Variants in ZC3H12C observed in about 807,000 individuals in gnomAD.
ZC3H12C encodes probable ribonuclease ZC3H12C.
ZC3H12C carries 20 observed loss-of-function variants against 76.3 expected under a neutral mutation model. The ratio of observed to expected loss-of-function variants is 0.26; its 90% CI spans 0.18 to 0.38. ZC3H12C has a LOEUF of 0.38. Among genes scored for constraint, ZC3H12C ranks in the 10% least tolerant of loss-of-function variants. ZC3H12C has a pLI of 1.00. For missense variants in ZC3H12C, 874 were observed against 1,086.5 expected (o/e 0.80, Z 2.75); for synonymous variants, 352 against 399.6 (o/e 0.88, Z 1.42).
At chr11:110,133,010 A>T (rs1861893668) in intron 1 of ZC3H12C, among the ~76,000 whole-genome samples, 1 of 152,170 alleles carries the variant, frequency 6.6e-6, no homozygotes. Flanking sequence ...TAAGTTTCTC[A>T]TAGTAATTTC....
At position 110,163,261 on chromosome 11, in the gene ZC3H12C, T is replaced by A. The variant is rs1279841555; in HGVS notation, c.1149-12T>A. The A allele has an allele frequency of 1.3e-6, 2 of 1,595,116 alleles. No homozygotes were observed. Among genetic ancestry groups the A allele is most frequent in the Admixed American group, 3.5e-5 (2 of 56,706 alleles). ...CTACTTAGGTATCATTTTTTTATTA[T>A]CTCCATGACAGGTTCATGCCCCCTG... On this transcript the variant is annotated splice_polypyrimidine_tract_variant and intron_variant, in intron 4 of 5. Coordinates refer to ENST00000278590, the MANE Select transcript of ZC3H12C (RefSeq NM_033390.2).
At chr11:110,120,284 A>G (rs1253959242) in intron 1 of ZC3H12C, among the ~76,000 whole-genome samples, 2 of 152,134 alleles carry the variant, frequency 1.3e-5, no homozygotes, top group African/African-American at 4.8e-5. Context: ...TTTAATATAT[A>G]TTGTTGATTC....
Position 110,140,582 on chromosome 11 carries a change from T to A in ZC3H12C, c.773+3168T>A, listed in dbSNP as rs531666364. On this transcript the variant is annotated intron_variant, in intron 2 of 5. Transcript: ENST00000278590. ...AGAATGGAAGCTGGCCACACCAGTC[T>A]TGTGTTTTTGATATGAACAGACTGT... Among the ~76,000 whole-genome samples, 300 of 152,302 alleles carry A rather than the reference T, an allele frequency of 2.0e-3. 2 individuals carry two copies. The highest frequency in any genetic ancestry group is 5.2e-3 in the African/African-American group (217 of 41,576).
intron 1 of ZC3H12C, among the ~76,000 whole-genome samples, chr11:110,108,698 G>T (rs948809842): frequency 6.6e-6 from 1 of 152,034 alleles, no homozygotes; most frequent in Non-Finnish European, 1.5e-5. Context: ...TTATATCTCC[G>T]ATCCTGACTT....
At position 110,168,086 on chromosome 11, in the gene ZC3H12C, A is replaced by G. The variant is rs946597858; in HGVS notation, c.*2349A>G. Reference sequence around the variant, plus strand: ...TATTTGAACATTCGCCAAATTTTACATTTATTTAAATGAGATCTTAGGTGA... The same window carrying G: ...TATTTGAACATTCGCCAAATTTTACGTTTATTTAAATGAGATCTTAGGTGA... On this transcript the variant is annotated 3_prime_UTR_variant, in exon 6 of 6. Transcript: ENST00000278590. The G allele has an allele frequency of 1.3e-5, 2 of 152,076 alleles. No homozygotes were observed. The highest frequency in any genetic ancestry group is 4.8e-5 in the African/African-American group (2 of 41,412). 9.4% of individuals were successfully genotyped at this position (152,076 alleles called of 1,614,324 possible).
Position 110,164,512 on chromosome 11 carries a change from C to T in ZC3H12C, c.1427C>T (p.Ala476Val). The change falls in exon 6 of 6, where the codon GCT becomes GTT. Residue 476 changes from alanine to valine, a missense_variant. By Grantham distance (64) the Ala-to-Val change is moderately conservative. Around this residue, in one of 3 missense-constraint regions of ZC3H12C, gnomAD observed 269 missense variants for 424.9 expected, o/e 0.63. Coordinates refer to ENST00000278590, the MANE Select transcript of ZC3H12C (RefSeq NM_033390.2). This position sits in a 1 kb window ranked among gnomAD's most constrained non-coding sequence, Gnocchi z 5.7. ...KSNSVPCSTKADSTSDVKRGA... is the reference protein window; with the variant it reads ...KSNSVPCSTKVDSTSDVKRGA... ...AACAGTGTTCCTTGTAGCACCAAGGCTGATAGCACTTCTGATGTCAAACGA... is the reference window on the plus strand; with the variant it reads ...AACAGTGTTCCTTGTAGCACCAAGGTTGATAGCACTTCTGATGTCAAACGA... The T allele has an allele frequency of 6.2e-7, 1 of 1,613,958 alleles. No individual in the cohort carries two copies. Among genetic ancestry groups the T allele is most frequent in the Non-Finnish European group, 8.5e-7 (1 of 1,179,892 alleles).
Position 110,152,936 on chromosome 11 carries a change from T to C in ZC3H12C, c.791T>C (p.Val264Ala). ...TCTTTCAGCCATGGAAACAAAGAAG[T>C]ATTTTCCTGCAGAGGAATAAAATTG... ...NVAMSHGNKE[V>A]FSCRGIKLAV... The change falls in exon 3 of 6, where the codon GTA becomes GCA. Residue 264 changes from valine (V) to alanine (A), a missense_variant. By Grantham distance (64) the Val-to-Ala change is moderately conservative. Transcript: ENST00000278590. The C allele has an allele frequency of 6.2e-7, 1 of 1,612,440 alleles. No individual in the cohort carries two copies. Among genetic ancestry groups the C allele is most frequent in the South Asian group, 1.1e-5 (1 of 90,566 alleles).
chr11:110,094,328 T>A (rs556387704), intron 1 of ZC3H12C, among the ~76,000 whole-genome samples: 6 of 152,366 alleles, frequency 3.9e-5, no homozygotes, highest in Admixed American at 3.9e-4. Flanking sequence ...AGGCGCTTAT[T>A]GATTCAGACT....
chr11:110,165,722 C>G lies in ZC3H12C; in HGVS notation c.2637C>G (p.Ser879=). Residue 879 remains serine, a synonymous_variant, in exon 6 of 6, where the codon TCC becomes TCG. Coordinates refer to ENST00000278590, the MANE Select transcript of ZC3H12C (RefSeq NM_033390.2). The stretch of plus-strand genomic sequence containing the variant: ...CCGCAGCCATTTTAGTGGAGAAATC[C>G]CAGCTGGGTTATTGAAAGATGATGC... ...QLAAAILVEK[S]QLGY is the part of the protein sequence containing the mutation. 1.3e-6 allele frequency: 2 copies of G among 1,581,626 alleles called. No individual in the cohort carries two copies. The highest frequency in any genetic ancestry group is 1.7e-6 in the Non-Finnish European group (2 of 1,162,822).
intron 2 of ZC3H12C, among the ~76,000 whole-genome samples, chr11:110,140,287 A>G (rs903034782): frequency 1.3e-5 from 2 of 152,188 alleles, no homozygotes; most frequent in African/African-American, 4.8e-5. Flanking sequence ...CCCCATCTCA[A>G]AAATAACAAC....
rs1464795095 is a variant in ZC3H12C at position 110,159,395 on chromosome 11, G to A, written c.1053G>A (p.Val351=). The A allele has an allele frequency of 6.2e-7, 1 of 1,613,954 alleles. No individual in the cohort carries two copies. Among genetic ancestry groups the A allele is most frequent in the African/African-American group, 1.3e-5 (1 of 75,054 alleles). ...CTTTTGAGTCGGACGGTATCATTGT[G>A]TCCAATGATAACTACAGGGACTTGG... The part of the protein sequence containing the change: ...KLAFESDGII[V]SNDNYRDLAN... Residue 351 remains valine (V), a synonymous_variant, in exon 4 of 6, where the codon GTG becomes GTA. Coordinates refer to ENST00000278590, the MANE Select transcript of ZC3H12C (RefSeq NM_033390.2).
At chr11:110,159,749 T>C (rs1470473386) in intron 4 of ZC3H12C, among the ~76,000 whole-genome samples, 1 of 152,234 alleles carries the variant, frequency 6.6e-6, no homozygotes, top group Non-Finnish European at 1.5e-5. Flanking sequence ...CTTCTAAGAC[T>C]ATGTCTGGAG....
intron 1 of ZC3H12C, among the ~76,000 whole-genome samples, chr11:110,121,646 CAGT>C (rs1861652918): frequency 6.6e-6 from 1 of 151,800 alleles, no homozygotes; most frequent in Non-Finnish European, 1.5e-5. Flanking sequence ...TGTCTAAAAT[CAGT>C]AGTATGCAGT....
Position 110,159,377 on chromosome 11 carries a change from G to A in ZC3H12C, c.1035G>A (p.Glu345=). 1.2e-6 allele frequency: 2 copies of A among 1,614,108 alleles called. No individual in the cohort carries two copies. The highest frequency in any genetic ancestry group is 1.1e-5 in the South Asian group (1 of 91,026). ...GGTTCATCGTGAAGCTGGCTTTTGA[G>A]TCGGACGGTATCATTGTGTCCAATG... ...DDRFIVKLAF[E]SDGIIVSNDN... The change falls in exon 4 of 6, where the codon GAG becomes GAA. Residue 345 remains glutamate (E), a synonymous_variant. Transcript: ENST00000278590.
At chr11:110,096,231 C>T (rs566899516) in intron 1 of ZC3H12C, among the ~76,000 whole-genome samples, 9 of 152,264 alleles carry the variant, frequency 5.9e-5, no homozygotes, top group African/African-American at 2.2e-4. Context: ...TCTCTAATTT[C>T]TTGGTGATTC....
intron 1 of ZC3H12C, among the ~76,000 whole-genome samples, chr11:110,101,597 G>C (rs1031556125): frequency 6.7e-6 from 1 of 150,362 alleles, no homozygotes; most frequent in Non-Finnish European, 1.5e-5. Flanking sequence ...GCCCAGGCTG[G>C]AATGCAGTGG....
intron 1 of ZC3H12C, among the ~76,000 whole-genome samples, chr11:110,101,412 G>A (rs1239130616): frequency 1.3e-5 from 2 of 152,180 alleles, no homozygotes; most frequent in Non-Finnish European, 2.9e-5. Context: ...AGCTAGAGAG[G>A]AGAGGACAAT....
rs755173088 is a variant in ZC3H12C at position 110,163,341 on chromosome 11, C to A, written c.1217C>A (p.Pro406His). ...PSLDNFLRKK[P>H]IVPEHKKQPC... ...CTGGATAATTTTCTGAGGAAGAAAC[C>A]TATTGTTCCTGAACACAAAAAGCAG... Residue 406 changes from proline to histidine, a missense_variant, in exon 5 of 6, where the codon CCT (proline) becomes CAT (histidine). Pro to His is a moderately conservative substitution (Grantham distance 77, BLOSUM62 -2). This residue lies in a region of ZC3H12C where 269 missense variants were observed against 424.9 expected (regional missense o/e 0.63). Coordinates refer to ENST00000278590, the MANE Select transcript of ZC3H12C (RefSeq NM_033390.2). The A allele has an allele frequency of 1.2e-6, 2 of 1,612,720 alleles. No individual in the cohort carries two copies. Among genetic ancestry groups the A allele is most frequent in the East Asian group, 4.5e-5 (2 of 44,874 alleles).
chr11:110,129,336 T>G (rs904032914), intron 1 of ZC3H12C, among the ~76,000 whole-genome samples: 1 of 152,198 alleles, frequency 6.6e-6, no homozygotes, highest in Admixed American at 6.5e-5. Flanking sequence ...TTTTCAGTTT[T>G]TAGTAGGCAG....
Sources: allele counts gnomAD v4.1 joint callset (sites outside exome capture counted in the v4.1 genomes callset), GRCh38; gene constraint gnomAD v4.1.1; regional missense constraint gnomAD v4.1.1; non-coding constraint Gnocchi (gnomAD v3.1); transcripts MANE v1.5; gene names NCBI Gene and HGNC (gene_info 2026-07-23, HGNC 2026-07-21).